The following NDST3 variants were observed in gnomAD, a reference collection of about 807,000 sequenced individuals.
The protein encoded by NDST3 is bifunctional heparan sulfate N-deacetylase/N-sulfotransferase 3.
NDST3 carries 58 observed loss-of-function variants against 96.1 expected under a neutral mutation model. The ratio of observed to expected loss-of-function variants is 0.60; its 90% CI spans 0.49 to 0.75. The LOEUF is 0.75. NDST3 is among the 30% of genes least tolerant of loss of function. The probability of loss-of-function intolerance (pLI) is 0.00; values close to 1 mark genes in which losing one functional copy is unlikely to be tolerated. For synonymous variants in NDST3, 333 were observed against 359.7 expected (o/e 0.93, Z 0.84); for missense variants, 788 against 1,034.2 (o/e 0.76, Z 3.27).
In NDST3 at chr4:118,244,491, A is replaced by T. The variant is rs550696775; in HGVS notation, c.2399+2342A>T. On this transcript the variant is annotated intron_variant, in intron 12 of 13. Coordinates refer to ENST00000296499, the MANE Select transcript of NDST3 (RefSeq NM_004784.3). ...GACGACTATCTCATTGGTGCTTAAA[A>T]TTTTTTTTTTCTCATTGGAAGTCCT... is the stretch of plus-strand genomic sequence containing the variant. Among the ~76,000 whole-genome samples the T allele has an allele frequency of 4.6e-5, 7 of 150,902 alleles. 1 individual carries two copies. Among genetic ancestry groups the T allele is most frequent in the South Asian group, 4.2e-4 (2 of 4,758 alleles).
intron 6 of NDST3, among the ~76,000 whole-genome samples, chr4:118,161,446 TTTTG>T (rs1400542398): frequency 6.6e-6 from 1 of 152,148 alleles, no homozygotes; most frequent in East Asian, 1.9e-4. Context: ...ACTGCTGTCT[TTTTG>T]TTTGTCTGTG....
chr4:118,088,130 C>CA (rs940921165), intron 2 of NDST3, among the ~76,000 whole-genome samples: 84 of 152,084 alleles, frequency 5.5e-4, no homozygotes, highest in African/African-American at 1.9e-3. Context: ...ACAGGAATGA[C>CA]AGACATGTAA....
chr4:118,124,382 A>G (rs1731866554), intron 4 of NDST3, among the ~76,000 whole-genome samples: 1 of 152,058 alleles, frequency 6.6e-6, no homozygotes, highest in Admixed American at 6.6e-5. Flanking sequence ...TTAACTAAAT[A>G]AAAGAAAATG....
chr4:118,125,151 G>A (rs1247973838), intron 4 of NDST3, among the ~76,000 whole-genome samples: 1 of 152,038 alleles, frequency 6.6e-6, no homozygotes, highest in African/African-American at 2.4e-5. Context: ...TTCCTGGCAT[G>A]ACTAACCTTC....
intron 6 of NDST3, among the ~76,000 whole-genome samples, chr4:118,182,625 G>A (rs1008097056): frequency 2.5e-4 from 38 of 152,128 alleles, no homozygotes; most frequent in Non-Finnish European, 3.8e-4. Context: ...AAACCTCTGG[G>A]TTCTAGGCCA....
intron 4 of NDST3, among the ~76,000 whole-genome samples, chr4:118,124,024 T>G (rs923858978): frequency 2.0e-5 from 3 of 152,112 alleles, no homozygotes; most frequent in African/African-American, 4.8e-5. Flanking sequence ...TGAAATAATT[T>G]AGCTGCTAAC....
rs1734239777 is a variant in NDST3, at chr4:118,149,696, T to C, written c.1539+6012T>C. On this transcript the variant is annotated intron_variant, in intron 6 of 13. Coordinates refer to ENST00000296499, the MANE Select transcript of NDST3 (RefSeq NM_004784.3). ...TTTCTAGATATACAATCATGTCGTC[T>C]GCAAACAGGGACAATTTGACTTCCT... Among the ~76,000 whole-genome samples, 11 of 150,434 alleles carry C rather than the reference T, an allele frequency of 7.3e-5. No individual in the cohort carries two copies. In the South Asian group the frequency reaches 1.9e-3, roughly 26 times the overall value.
At chr4:118,129,391 T>C (rs1732404941) in intron 4 of NDST3, among the ~76,000 whole-genome samples, 1 of 152,048 alleles carries the variant, frequency 6.6e-6, no homozygotes, top group African/African-American at 2.4e-5. Flanking sequence ...ATGTTTCCAT[T>C]ATCATTTCTT....
chr4:118,064,962 C>T lies in NDST3; in HGVS notation c.981+10071C>T, dbSNP rs148833182. On this transcript the variant is annotated intron_variant, in intron 2 of 13. Coordinates refer to ENST00000296499, the MANE Select transcript of NDST3 (RefSeq NM_004784.3). Reference sequence around the variant, plus strand: ...CAGAAATACTCTCTGTGCCTTATTTCATGGCCACATCTCTCTCAAACTGGA... The same window carrying T: ...CAGAAATACTCTCTGTGCCTTATTTTATGGCCACATCTCTCTCAAACTGGA... Among the ~76,000 whole-genome samples the T allele has an allele frequency of 2.4e-3, 366 of 152,224 alleles. 2 individuals carry two copies. Among genetic ancestry groups the T allele is most frequent in the African/African-American group, 8.5e-3 (352 of 41,560 alleles).
At chr4:118,161,721 C>T (rs1218984148) in intron 6 of NDST3, among the ~76,000 whole-genome samples, 3 of 152,096 alleles carry the variant, frequency 2.0e-5, no homozygotes, top group Non-Finnish European at 2.9e-5. Flanking sequence ...TTAAGCCCGT[C>T]GGAAAAGTGC....
At chr4:118,113,362 G>A (rs1204634618) in intron 3 of NDST3, among the ~76,000 whole-genome samples, 1 of 152,192 alleles carries the variant, frequency 6.6e-6, no homozygotes, top group Non-Finnish European at 1.5e-5. Context: ...TGTACGTAGT[G>A]GAGAGGAAGT....
chr4:118,151,854 A>C (rs558474807), intron 6 of NDST3, among the ~76,000 whole-genome samples: 4 of 152,248 alleles, frequency 2.6e-5, no homozygotes, highest in Non-Finnish European at 5.9e-5. Context: ...TTCCTCAGGA[A>C]ACTTTTTCTA....
chr4:118,066,318 T>TATATC (rs1726436497), intron 2 of NDST3, among the ~76,000 whole-genome samples: 1 of 2,838 alleles, frequency 3.5e-4, no homozygotes, highest in African/African-American at 4.5e-4. Context: ...ATATATATTA[T>TATATC]ATATATTATG....
intron 1 of NDST3, among the ~76,000 whole-genome samples, chr4:118,040,387 G>A (rs72660611): frequency 0.044 from 6,674 of 151,932 alleles, 251 homozygotes; most frequent in Non-Finnish European, 0.061. Context: ...AAGGGGGAGG[G>A]GTGAAAAGAA....
Position 118,137,986 on chromosome 4 carries a change from A to G in NDST3, c.1225-68A>G. 3.0e-6 allele frequency: 4 copies of G among 1,331,102 alleles called. No homozygotes were observed. In the Admixed American group the frequency reaches 9.7e-5, roughly 32 times the overall value. 82.5% of individuals were successfully genotyped at this position (1,331,102 alleles called of 1,614,324 possible). The stretch of plus-strand genomic sequence containing the variant: ...TATATATATTTACAGTACATTTGAA[A>G]ATCTTACTGTAAAAATAGGATCAAG... On this transcript the variant is annotated intron_variant, in intron 4 of 13. Coordinates refer to ENST00000296499, the MANE Select transcript of NDST3 (RefSeq NM_004784.3).
At chr4:118,121,365 C>T (rs1398710558) in intron 4 of NDST3, among the ~76,000 whole-genome samples, 1 of 152,124 alleles carries the variant, frequency 6.6e-6, no homozygotes, top group Non-Finnish European at 1.5e-5. Flanking sequence ...ATTGAAACAT[C>T]ATATCTAATT....
intron 1 of NDST3, among the ~76,000 whole-genome samples, chr4:118,042,671 A>G (rs1724535859): frequency 1.3e-5 from 2 of 152,184 alleles, no homozygotes; most frequent in African/African-American, 4.8e-5. Context: ...CCCCAAACAT[A>G]GTATCCTATA....
chr4:118,164,389 G>T (rs1188134930), intron 6 of NDST3, among the ~76,000 whole-genome samples: 2 of 152,094 alleles, frequency 1.3e-5, no homozygotes, highest in African/African-American at 4.8e-5. Flanking sequence ...TAACTCTTGG[G>T]TACCAGTCTT....
In NDST3 at chr4:118,054,244, C is replaced by G. The variant is rs895950418; in HGVS notation, c.334C>G (p.Pro112Ala). The G allele has an allele frequency of 1.2e-6, 2 of 1,612,352 alleles. No homozygotes were observed. Among genetic ancestry groups the G allele is most frequent in the African/African-American group, 1.3e-5 (1 of 74,722 alleles). Residue 112 changes from proline (P) to alanine (A), a missense_variant, in exon 2 of 14, where the codon CCT (proline) becomes GCT (alanine). Pro to Ala is a conservative substitution (Grantham distance 27). This residue lies in a region of NDST3 where 234 missense variants were observed against 256.9 expected (regional missense o/e 0.91). Coordinates refer to ENST00000296499, the MANE Select transcript of NDST3 (RefSeq NM_004784.3). ...ATTCCAGTATCACATTGAAATTGCC[C>G]CTGGAAAGGGAGATCTCCCAGTGCT... ...SRFQYHIEIA[P>A]GKGDLPVLID...
Sources: allele counts gnomAD v4.1 joint callset (sites outside exome capture counted in the v4.1 genomes callset), GRCh38; gene constraint gnomAD v4.1.1; regional missense constraint gnomAD v4.1.1; transcripts MANE v1.5; gene names NCBI Gene and HGNC (gene_info 2026-07-23, HGNC 2026-07-21).